LPAR5: variants seen among roughly 807,000 people sequenced by gnomAD.
The protein encoded by LPAR5 is lysophosphatidic acid receptor 5.
For missense variants in LPAR5, 544 were observed against 521.8 expected (o/e 1.04, Z -0.41); for synonymous variants, 271 against 261.6 (o/e 1.04, Z -0.35).
chr12:6,620,705 C>G lies in LPAR5; in HGVS notation c.544G>C (p.Glu182Gln). 3.2e-6 allele frequency: 5 copies of G among 1,578,906 alleles called. No individual in the cohort carries two copies. The highest frequency in any genetic ancestry group is 4.3e-6 in the Non-Finnish European group (5 of 1,162,278). Reference sequence around the variant, plus strand: ...GGCAGCAGCCTGCCTTTCCACAGCTCGTCGCTGAAGCTCTCGAAGCATAGG... The same window carrying G: ...GGCAGCAGCCTGCCTTTCCACAGCTGGTCGCTGAAGCTCTCGAAGCATAGG... Reference protein sequence around the residue: ...VRLCFESFSDELWKGRLLPLV... With the variant: ...VRLCFESFSDQLWKGRLLPLV... Residue 182 changes from glutamate (E) to glutamine (Q), a missense_variant, in exon 2 of 2, where the codon GAG (glutamate) becomes CAG (glutamine). Glu to Gln is a conservative substitution (Grantham distance 29). Coordinates refer to ENST00000329858, the MANE Select transcript of LPAR5 (RefSeq NM_020400.6). The surrounding 1 kb of genome is among the most constrained non-coding windows in gnomAD (Gnocchi z 6.8).
chr12:6,622,042 C>A (rs772933003), intron 1 of LPAR5, among the ~76,000 whole-genome samples: 9 of 151,672 alleles, frequency 5.9e-5, no homozygotes, highest in Middle Eastern at 3.4e-3. Context: ...ACAGGAGAAT[C>A]GCTTGAAACC....
At chr12:6,631,566 C>CG (rs1555076946) in intron 1 of LPAR5, 1 of 152,388 alleles carries the variant, frequency 6.6e-6, no homozygotes, top group Non-Finnish European at 1.5e-5. Flanking sequence ...TGTACACATC[C>CG]GGGGGCCAGG....
rs758094113 is a variant in LPAR5 at position 6,620,154 on chromosome 12, CTGTG to C, written c.1091_1094del (p.Thr364SerfsTer50). ...TTCAGAGGGCGGAATCCTGGGGACA[CTGTG>C]TGAAGGAAGACAGAGAGTGGGAGTC... On this transcript the variant is annotated frameshift_variant, in exon 2 of 2. Coordinates refer to ENST00000329858, the MANE Select transcript of LPAR5 (RefSeq NM_020400.6). LOFTEE classifies it high-confidence loss of function. This position sits in a 1 kb window ranked among gnomAD's most constrained non-coding sequence, Gnocchi z 6.8. The C allele has an allele frequency of 6.2e-7, 1 of 1,613,522 alleles. No homozygotes were observed. The highest frequency in any genetic ancestry group is 1.3e-5 in the African/African-American group (1 of 74,918).
At chr12:6,632,861 C>T (rs2136245690) in intron 1 of LPAR5, among the ~76,000 whole-genome samples, 1 of 152,316 alleles carries the variant, frequency 6.6e-6, no homozygotes, top group East Asian at 1.9e-4. Flanking sequence ...CACATTCTTC[C>T]TCAGAGAGGA....
At chr12:6,626,897 T>C (rs1259078491) in intron 1 of LPAR5, among the ~76,000 whole-genome samples, 1 of 152,238 alleles carries the variant, frequency 6.6e-6, no homozygotes, top group Non-Finnish European at 1.5e-5. Flanking sequence ...CAGCTGTTCC[T>C]GGTCTGCCCC....
intron 1 of LPAR5, among the ~76,000 whole-genome samples, chr12:6,633,179 G>A (rs1040133335): frequency 1.3e-5 from 2 of 152,170 alleles, no homozygotes; most frequent in East Asian, 1.9e-4. Flanking sequence ...CCCTGCTTTC[G>A]AGAGCTGGAA....
At chr12:6,629,747 G>A (rs1450715442) in intron 1 of LPAR5, among the ~76,000 whole-genome samples, 2 of 150,622 alleles carry the variant, frequency 1.3e-5, no homozygotes, top group African/African-American at 2.4e-5. Context: ...AAAGTTAGGC[G>A]AAGTGATGGC....
intron 1 of LPAR5, among the ~76,000 whole-genome samples, chr12:6,627,551 A>G (rs1948950290): frequency 6.6e-6 from 1 of 152,222 alleles, no homozygotes; most frequent in East Asian, 1.9e-4. Flanking sequence ...AGATCGTGCC[A>G]CTGCACTCCA....
In LPAR5 at chr12:6,620,527, A is replaced by T. The variant is rs1047123399; in HGVS notation, c.722T>A (p.Val241Asp). The change falls in exon 2 of 2, where the codon GTC becomes GAC. Residue 241 changes from valine to aspartate, a missense_variant. By Grantham distance (152) the Val-to-Asp change is radical. Transcript: ENST00000329858. This position sits in a 1 kb window ranked among gnomAD's most constrained non-coding sequence, Gnocchi z 6.8. ...KTVRLLLANL[V>D]IFLLCFVPYN... Reference sequence around the variant, plus strand: ...GGGCACGAAGCACAGCAGGAAGATGACGAGGTTAGCCAGCAGGAGGCGCAC... The same window carrying T: ...GGGCACGAAGCACAGCAGGAAGATGTCGAGGTTAGCCAGCAGGAGGCGCAC... 5 of 1,577,466 alleles carry T rather than the reference A, an allele frequency of 3.2e-6. No homozygotes were observed. The highest frequency in any genetic ancestry group is 4.3e-6 in the Non-Finnish European group (5 of 1,162,176).
chr12:6,620,119 G>C lies in LPAR5; in HGVS notation c.*11C>G. The C allele has an allele frequency of 1.2e-6, 2 of 1,613,864 alleles. No individual in the cohort carries two copies. Among genetic ancestry groups the C allele is most frequent in the South Asian group, 2.2e-5 (2 of 91,058 alleles). On this transcript the variant is annotated 3_prime_UTR_variant, in exon 2 of 2. Coordinates refer to ENST00000329858, the MANE Select transcript of LPAR5 (RefSeq NM_020400.6). The surrounding 1 kb of genome is among the most constrained non-coding windows in gnomAD (Gnocchi z 6.8). The stretch of plus-strand genomic sequence containing the variant: ...GGGAGTCGGGCACGGACAGCGCAAT[G>C]GCATGTGTGTTCAGAGGGCGGAATC...
chr12:6,634,157 C>T (rs1948997364), intron 1 of LPAR5, among the ~76,000 whole-genome samples: 1 of 152,168 alleles, frequency 6.6e-6, no homozygotes, highest in South Asian at 2.1e-4. Flanking sequence ...AGGTGCGTGC[C>T]ACCGTGCCCA....
In LPAR5 at chr12:6,629,258, C is replaced by T. The variant is rs774637061; in HGVS notation, c.-217+6649G>A. Among the ~76,000 whole-genome samples the T allele has an allele frequency of 2.0e-5, 3 of 151,630 alleles. No individual in the cohort carries two copies. In the East Asian group the frequency reaches 5.9e-4, roughly 30 times the overall value. ...AGGGGTGGTGGCACACGCCTGTAAT[C>T]CCAGCTACTCGGGAAGCTGAGGCAG... On this transcript the variant is annotated intron_variant, in intron 1 of 1. Coordinates refer to ENST00000329858, the MANE Select transcript of LPAR5 (RefSeq NM_020400.6).
chr12:6,625,069 G>A (rs978351573), intron 1 of LPAR5, among the ~76,000 whole-genome samples: 2 of 152,146 alleles, frequency 1.3e-5, no homozygotes, highest in Admixed American at 1.3e-4. Flanking sequence ...TGTCATCTTA[G>A]GGAGAGAAGT....
intron 1 of LPAR5, among the ~76,000 whole-genome samples, chr12:6,625,420 CA>C (rs34197416): frequency 0.74 from 84,936 of 115,296 alleles, 31,083 homozygotes; most frequent in Non-Finnish European, 0.81. Flanking sequence ...GACTCCGTCT[CA>C]AAAAAAAAAA....
In LPAR5 at chr12:6,619,538, A is replaced by T. The variant is rs1332374151; in HGVS notation, c.*592T>A. Reference sequence around the variant, plus strand: ...TCTAAGTTAGTTTTGCCTTGCCCCAACTATCCCATGCTGGATGCCAAGTCT... The same window carrying T: ...TCTAAGTTAGTTTTGCCTTGCCCCATCTATCCCATGCTGGATGCCAAGTCT... On this transcript the variant is annotated 3_prime_UTR_variant, in exon 2 of 2. Coordinates refer to ENST00000329858, the MANE Select transcript of LPAR5 (RefSeq NM_020400.6). The T allele has an allele frequency of 5.8e-6, 1 of 171,176 alleles. No homozygotes were observed. Among genetic ancestry groups the T allele is most frequent in the Non-Finnish European group, 1.3e-5 (1 of 78,856 alleles). 10.6% of individuals were successfully genotyped at this position (171,176 alleles called of 1,614,324 possible).
chr12:6,633,562 G>A (rs528679215), intron 1 of LPAR5, among the ~76,000 whole-genome samples: 9 of 152,104 alleles, frequency 5.9e-5, no homozygotes, highest in South Asian at 2.1e-4. Context: ...ACAGGCGCCC[G>A]CCACCACGCC....
intron 1 of LPAR5, among the ~76,000 whole-genome samples, chr12:6,626,111 A>C (rs993469187): frequency 1.2e-4 from 18 of 152,172 alleles, no homozygotes; most frequent in Non-Finnish European, 2.5e-4. Flanking sequence ...CTCTACTAAA[A>C]ATACAAAAAA....
Position 6,625,968 on chromosome 12 carries a change from T to G in LPAR5, c.-216-4504A>C, listed in dbSNP as rs114633297. Among the ~76,000 whole-genome samples the G allele has an allele frequency of 5.7e-3, 868 of 152,156 alleles. 10 individuals are homozygous for G. The highest frequency in any genetic ancestry group is 0.02 in the African/African-American group (813 of 41,534). ...GGCGTGTGCCACCATCCCTGGCTAA[T>G]TTTTAAATTTTTTGTAGATGGCCAG... On this transcript the variant is annotated intron_variant, in intron 1 of 1. Coordinates refer to ENST00000329858, the MANE Select transcript of LPAR5 (RefSeq NM_020400.6).
chr12:6,632,882 C>CGGATCCCGGGTGTCAG (rs1355769344), intron 1 of LPAR5, among the ~76,000 whole-genome samples: 2 of 152,152 alleles, frequency 1.3e-5, no homozygotes, highest in Non-Finnish European at 2.9e-5. Flanking sequence ...GTCTCTGGCA[C>CGGATCCCGGGTGTCAG]GGATCCCGGG....
Sources: allele counts gnomAD v4.1 joint callset (sites outside exome capture counted in the v4.1 genomes callset), GRCh38; gene constraint gnomAD v4.1.1; non-coding constraint Gnocchi (gnomAD v3.1); transcripts MANE v1.5; gene names NCBI Gene and HGNC (gene_info 2026-07-23, HGNC 2026-07-21).